Variants in TNS3 observed in about 807,000 individuals in gnomAD.
The protein encoded by TNS3 is tensin-3.
TNS3 carries 45 observed loss-of-function variants against 140.9 expected under a neutral mutation model. That is an observed-to-expected ratio of 0.32 (90% CI 0.25 to 0.41). TNS3 has a LOEUF of 0.41. TNS3 is among the 10% of genes least tolerant of loss of function. The pLI, the probability that TNS3 is intolerant of heterozygous loss-of-function variation, is 1.00. For missense variants in TNS3, 1,716 were observed against 1,906.7 expected, an observed-to-expected ratio of 0.90 and a Z score of 1.86; for synonymous variants, 815 against 788.4, an observed-to-expected ratio of 1.03 and a Z score of -0.56.
At chr7:47,364,187 T>C (rs1348768067) in intron 17 of TNS3, among the ~76,000 whole-genome samples, 1 of 151,984 alleles carries the variant, frequency 6.6e-6, no homozygotes, top group Non-Finnish European at 1.5e-5. Flanking sequence ...ATCAAAAGAG[T>C]TCCAGTGTTT....
rs138316859 is a variant in TNS3 at position 47,398,447 on chromosome 7, C to A, written c.920-1543G>T. ...TCAACAAAATACTAGCTAACTGAAT[C>A]TAACAGCACATTAAACAGATAATAC... On this transcript the variant is annotated intron_variant, in intron 15 of 30. Coordinates refer to ENST00000311160, the MANE Select transcript of TNS3 (RefSeq NM_022748.12). Among the ~76,000 whole-genome samples the A allele has an allele frequency of 7.9e-3, 1,204 of 152,246 alleles. 19 individuals carry two copies. Among genetic ancestry groups the A allele is most frequent in the African/African-American group, 0.028 (1,155 of 41,540 alleles).
chr7:47,497,267 A>G (rs1440986580), intron 3 of TNS3, among the ~76,000 whole-genome samples: 1 of 152,212 alleles, frequency 6.6e-6, no homozygotes, highest in Admixed American at 6.5e-5. Context: ...CAGAAAGAGT[A>G]GTTTCCAGCA....
At chr7:47,294,065 G>C (rs759196553) in intron 24 of TNS3, among the ~76,000 whole-genome samples, 16 of 152,232 alleles carry the variant, frequency 1.1e-4, no homozygotes, top group Non-Finnish European at 2.4e-4. Context: ...CCCTTGCAAT[G>C]ACAGTGTGGG....
chr7:47,581,805 A>G (rs1426252147), intron 1 of TNS3, among the ~76,000 whole-genome samples: 1 of 150,278 alleles, frequency 6.7e-6, no homozygotes, highest in African/African-American at 2.5e-5. Context: ...TGCGCCCCCA[A>G]CCGGGTCCCC....
At chr7:47,496,644 G>A (rs1798017974) in intron 3 of TNS3, among the ~76,000 whole-genome samples, 1 of 152,218 alleles carries the variant, frequency 6.6e-6, no homozygotes, top group African/African-American at 2.4e-5. Flanking sequence ...GAGTGGGAGA[G>A]TCCACGCACA....
intron 25 of TNS3, among the ~76,000 whole-genome samples, chr7:47,293,456 C>T (rs1785829304): frequency 6.6e-6 from 1 of 152,216 alleles, no homozygotes; most frequent in Non-Finnish European, 1.5e-5. Flanking sequence ...CAGGACTTAC[C>T]TGCCTGCCAA....
Position 47,368,366 on chromosome 7 carries a change from T to C in TNS3, c.2280A>G (p.Gln760=), listed in dbSNP as rs1201378325. 3.4e-6 allele frequency: 5 copies of C among 1,484,274 alleles called. No homozygotes were observed. The African/African-American group carries it at 5.7e-5, about 17-fold the overall frequency. The allele number at this position is 1,484,274 out of a possible 1,614,324, so 91.9% of individuals were successfully genotyped here. The part of the protein sequence containing the change: ...GEGPSRATGR[Q]GSSAEQPLGG... ...ACCTCCCATGGAGACCCAGCTCACC[T>C]TGCCGCCCGGTGGCCCTGCTGGGGC... Residue 760 remains glutamine (Q), a splice_region_variant and synonymous_variant, in exon 17 of 31, where the codon CAA becomes CAG. Coordinates refer to ENST00000311160, the MANE Select transcript of TNS3 (RefSeq NM_022748.12).
intron 20 of TNS3, among the ~76,000 whole-genome samples, chr7:47,316,285 G>A (rs188697707): frequency 7.2e-4 from 109 of 152,190 alleles, no homozygotes; most frequent in Admixed American, 1.1e-3. Context: ...ATTTCTAGGC[G>A]GGGAATTGGG....
chr7:47,467,018 G>A (rs959937655), intron 4 of TNS3, among the ~76,000 whole-genome samples: 4 of 152,182 alleles, frequency 2.6e-5, no homozygotes, highest in African/African-American at 9.7e-5. Flanking sequence ...GGTGATGACG[G>A]TGGTGGTGAT....
chr7:47,565,364 C>T (rs913381955), intron 1 of TNS3, among the ~76,000 whole-genome samples: 16 of 149,082 alleles, frequency 1.1e-4, no homozygotes, highest in Admixed American at 1.3e-4. Flanking sequence ...CATGAGCCAC[C>T]GCGCCCGGCC....
At chr7:47,557,690 G>A (rs1032216762) in intron 1 of TNS3, among the ~76,000 whole-genome samples, 8 of 152,148 alleles carry the variant, frequency 5.3e-5, no homozygotes, top group Admixed American at 4.6e-4. Context: ...AATTGGAGGC[G>A]CTGGGGACAT....
intron 20 of TNS3, among the ~76,000 whole-genome samples, chr7:47,319,163 G>A (rs1206808796): frequency 6.6e-6 from 1 of 152,154 alleles, no homozygotes; most frequent in African/African-American, 2.4e-5. Flanking sequence ...AACCGAGGCT[G>A]GGCAATTTAT....
intron 16 of TNS3, among the ~76,000 whole-genome samples, chr7:47,373,538 T>A (rs1791202767): frequency 6.6e-6 from 1 of 152,356 alleles, no homozygotes; most frequent in East Asian, 1.9e-4. Context: ...GGCATGCACC[T>A]GCCCTGTGGC....
At chr7:47,486,013 GGTGA>G (rs972253844) in intron 3 of TNS3, among the ~76,000 whole-genome samples, 6 of 150,502 alleles carry the variant, frequency 4.0e-5, no homozygotes, top group Non-Finnish European at 5.9e-5. Flanking sequence ...GGTGTGTGGA[GGTGA>G]GTGTGTGTGG....
chr7:47,527,391 G>T (rs1799236340), intron 2 of TNS3, among the ~76,000 whole-genome samples: 1 of 152,174 alleles, frequency 6.6e-6, no homozygotes, highest in Non-Finnish European at 1.5e-5. Flanking sequence ...GGACACAGAG[G>T]GGCTGCTGTA....
intron 26 of TNS3, among the ~76,000 whole-genome samples, chr7:47,292,414 T>C (rs883920): frequency 0.28 from 43,346 of 152,160 alleles, 6,582 homozygotes; most frequent in East Asian, 0.52. Flanking sequence ...AATTTCATTA[T>C]GGATATTGTT....
At chr7:47,559,354 A>AAAAT (rs1405484733) in intron 1 of TNS3, among the ~76,000 whole-genome samples, 6 of 152,162 alleles carry the variant, frequency 3.9e-5, no homozygotes, top group South Asian at 2.1e-4. Context: ...CATCTCACAA[A>AAAAT]AAATAAATAA....
At chr7:47,422,889 A>T (rs1232610617) in intron 10 of TNS3, among the ~76,000 whole-genome samples, 1 of 152,166 alleles carries the variant, frequency 6.6e-6, no homozygotes, top group Non-Finnish European at 1.5e-5. Context: ...ACAAAAAAAA[A>T]ACCCAAGTGA....
At position 47,506,838 on chromosome 7, in the gene TNS3, C is replaced by T. The variant is rs192737590; in HGVS notation, c.-115+69G>A. 1.3e-5 allele frequency: 15 copies of T among 1,194,740 alleles called. No homozygotes were observed. The East Asian group carries it at 3.4e-4, about 27-fold the overall frequency. The allele number at this position is 1,194,740 out of a possible 1,614,324, so 74.0% of individuals were successfully genotyped here. On this transcript the variant is annotated intron_variant, in intron 3 of 30. Transcript: ENST00000311160. The stretch of plus-strand genomic sequence containing the variant: ...TGGCTGCAGTCCAAAGAGGCCCCCC[C>T]ACACATATCATTCAATGAAGGCCAA...
Sources: gnomAD v4.1 joint callset for allele counts (sites outside exome capture counted in the v4.1 genomes callset) on GRCh38, gnomAD v4.1.1 for gene constraint, MANE v1.5 for transcripts, NCBI Gene and HGNC (gene_info 2026-07-23, HGNC 2026-07-21) for gene names.